Variants in TANC2 observed in about 807,000 individuals in gnomAD.
TANC2 encodes the protein tetratricopeptide repeat, ankyrin repeat and coiled-coil containing 2.
TANC2 carries 26 observed loss-of-function variants against 210.5 expected under a neutral mutation model. That is an observed-to-expected ratio of 0.12 (90% confidence interval 0.09 to 0.17). The LOEUF is 0.17. Among genes scored for constraint, TANC2 ranks in the 10% least tolerant of loss-of-function variants. The probability of loss-of-function intolerance (pLI) is 1.00; values close to 1 mark genes in which losing one functional copy is unlikely to be tolerated. For missense variants in TANC2, 2,129 were observed against 2,608.9 expected, an observed-to-expected ratio of 0.82 and a Z score of 4.01; for synonymous variants, 931 against 967.1, an observed-to-expected ratio of 0.96 and a Z score of 0.69.
intron 5 of TANC2, among the ~76,000 whole-genome samples, chr17:63,181,452 C>G (rs181882355): frequency 1.1e-3 from 164 of 152,176 alleles, no homozygotes; most frequent in African/African-American, 3.9e-3. Context: ...AAACCATGAA[C>G]CAGGTGAGGA....
chr17:63,300,232 G>A (rs1221927405), intron 9 of TANC2, among the ~76,000 whole-genome samples: 1 of 152,074 alleles, frequency 6.6e-6, no homozygotes, highest in Non-Finnish European at 1.5e-5. Context: ...CTCCAGCTTT[G>A]TTCTTTTTGC....
At position 63,050,319 on chromosome 17, in the gene TANC2, AG is replaced by A. The variant is rs751068047; in HGVS notation, c.68-23623del. ...CTTCAGTGAGCCGTGATCATGCCCC[AG>A]CACTTCAGCCTGGGCAACAGAGCAA... is the stretch of plus-strand genomic sequence containing the variant. On this transcript the variant is annotated intron_variant, in intron 2 of 27. Transcript: ENST00000689528. 6.1e-4 allele frequency among the ~76,000 whole-genome samples: 93 copies of A among 151,382 alleles called. 1 individual carries two copies. The highest frequency in any genetic ancestry group is 9.9e-4 in the Admixed American group (15 of 15,136).
intron 14 of TANC2, among the ~76,000 whole-genome samples, chr17:63,358,379 A>AGAGAG: frequency 7.2e-6 from 1 of 139,644 alleles, no homozygotes; most frequent in African/African-American, 2.8e-5. Flanking sequence ...GAGAGAGAGT[A>AGAGAG]TGTGTGTGTG....
At chr17:63,424,999 G>C (rs1372394321) in exon 28 of TANC2, 1 of 152,178 alleles carries the variant, frequency 6.6e-6, no homozygotes, top group Non-Finnish European at 1.5e-5. Flanking sequence ...TACTGGATCA[G>C]TAAGGCACAC....
intron 9 of TANC2, among the ~76,000 whole-genome samples, chr17:63,282,541 T>C (rs1049297596): frequency 2.0e-5 from 3 of 152,110 alleles, no homozygotes; most frequent in African/African-American, 7.2e-5. Context: ...TTGAATTCTA[T>C]CAAATATTTA....
chr17:63,028,669 A>G (rs2034650803), intron 2 of TANC2, among the ~76,000 whole-genome samples: 1 of 152,146 alleles, frequency 6.6e-6, no homozygotes, highest in Non-Finnish European at 1.5e-5. Context: ...AGAAAAAGGA[A>G]AGTCAGAGTG....
chr17:62,991,861 T>C (rs2032887524), intron 1 of TANC2, among the ~76,000 whole-genome samples: 1 of 152,116 alleles, frequency 6.6e-6, no homozygotes, highest in African/African-American at 2.4e-5. Flanking sequence ...ATCTCATTTA[T>C]TGAAAGCACT....
intron 2 of TANC2, among the ~76,000 whole-genome samples, chr17:63,030,475 T>C (rs149846446): frequency 6.6e-6 from 1 of 152,194 alleles, no homozygotes; most frequent in Admixed American, 6.6e-5. Context: ...TGCAGTACCT[T>C]CAACTTTTAC....
chr17:63,348,820 C>T (rs2046500022), intron 12 of TANC2, among the ~76,000 whole-genome samples: 1 of 152,052 alleles, frequency 6.6e-6, no homozygotes, highest in Admixed American at 6.6e-5. Context: ...CTGAAGCATT[C>T]TTGTAGGCTG....
chr17:63,156,420 G>GAA lies in TANC2; in HGVS notation c.433+5050_433+5051dup, dbSNP rs11373026. Among the ~76,000 whole-genome samples the GAA allele has an allele frequency of 5.2e-3, 746 of 142,140 alleles. 3 individuals carry two copies. Among genetic ancestry groups the GAA allele is most frequent in the African/African-American group, 0.01 (398 of 38,630 alleles). The allele number at this position is 142,140 out of a possible 152,430, so 93.2% of individuals were successfully genotyped here. A position where few individuals can be genotyped will look rare whatever the true frequency, so the allele number is the denominator to read the frequency against. Reference sequence around the variant, plus strand: ...AAATGCTATTGTAAAGGTTGAAATGGAAAAAAAAAAAGCACCTGTTAATTA... The same window carrying GAA: ...AAATGCTATTGTAAAGGTTGAAATGGAAAAAAAAAAAAAGCACCTGTTAATTA... On this transcript the variant is annotated intron_variant, in intron 5 of 27. Transcript: ENST00000689528.
At chr17:63,309,263 T>A (rs2045035067) in intron 9 of TANC2, among the ~76,000 whole-genome samples, 1 of 152,204 alleles carries the variant, frequency 6.6e-6, no homozygotes, top group South Asian at 2.1e-4. Context: ...GATTTTAAGG[T>A]CAAATTGGCA....
intron 4 of TANC2, among the ~76,000 whole-genome samples, chr17:63,129,920 G>A (rs905885720): frequency 7.3e-5 from 11 of 151,560 alleles, no homozygotes; most frequent in Non-Finnish European, 1.5e-4. Flanking sequence ...TTTTATAGAA[G>A]TATGTGATAG....
In TANC2 at chr17:63,420,688, G is replaced by T. The variant is rs954884795; in HGVS notation, c.4958G>T (p.Ser1653Ile). The change falls in exon 28 of 28, where the codon AGC becomes ATC. Residue 1653 changes from serine to isoleucine, a missense_variant. Ser to Ile is a moderately radical substitution (Grantham distance 142, BLOSUM62 -2). Around this residue, in one of 5 missense-constraint regions of TANC2, gnomAD observed 584 missense variants for 627.3 expected, o/e 0.93. Transcript: ENST00000689528. This position sits in a 1 kb window ranked among gnomAD's most constrained non-coding sequence, Gnocchi z 4.2. ...CCCGTGCGCTATCAGCAGGAAACAA[G>T]CGTCAGTCAGCTTCCTGGCAGACCC... is the stretch of plus-strand genomic sequence containing the variant. 8.1e-6 allele frequency: 13 copies of T among 1,613,714 alleles called. No homozygotes were observed. In the African/African-American group the frequency reaches 1.5e-4, roughly 18 times the overall value.
Position 63,420,982 on chromosome 17 carries a change from T to A in TANC2, c.5252T>A (p.Ile1751Asn). Residue 1751 changes from isoleucine to asparagine, a missense_variant, in exon 28 of 28, where the codon ATC (isoleucine) becomes AAC (asparagine). By Grantham distance (149) the Ile-to-Asn change is moderately radical. This residue lies in a region of TANC2 where 584 missense variants were observed against 627.3 expected (regional missense o/e 0.93). Coordinates refer to ENST00000689528, the Ensembl canonical transcript of TANC2. The surrounding 1 kb of genome is among the most constrained non-coding windows in gnomAD (Gnocchi z 4.2). Reference sequence around the variant, plus strand: ...GTTTATCAAGGGTCAATTGGGGGAATCGTAGGGGATGGAAGGCCGGTGCAG... The same window carrying A: ...GTTTATCAAGGGTCAATTGGGGGAAACGTAGGGGATGGAAGGCCGGTGCAG... 1 of 1,613,920 alleles carries A rather than the reference T, an allele frequency of 6.2e-7. No homozygotes were observed. The highest frequency in any genetic ancestry group is 8.5e-7 in the Non-Finnish European group (1 of 1,179,868).
intron 18 of TANC2, among the ~76,000 whole-genome samples, chr17:63,397,815 G>A (rs2048217191): frequency 6.6e-6 from 1 of 152,168 alleles, no homozygotes; most frequent in Non-Finnish European, 1.5e-5. Flanking sequence ...TTTAACCTTT[G>A]TTTTTAATGT....
At chr17:62,987,273 G>C (rs1217664751) in intron 1 of TANC2, among the ~76,000 whole-genome samples, 1 of 152,164 alleles carries the variant, frequency 6.6e-6, no homozygotes, top group Non-Finnish European at 1.5e-5. Flanking sequence ...TCAGCCACTG[G>C]TGTGGAATTC....
intron 9 of TANC2, among the ~76,000 whole-genome samples, chr17:63,309,220 G>C (rs2045034329): frequency 6.6e-6 from 1 of 152,044 alleles, no homozygotes. Flanking sequence ...CTTTTCTTAT[G>C]AATCATTTCC....
chr17:63,241,869 C>A (rs934959348), intron 8 of TANC2, among the ~76,000 whole-genome samples: 2 of 152,030 alleles, frequency 1.3e-5, no homozygotes, highest in African/African-American at 4.8e-5. Flanking sequence ...TATACTGATA[C>A]AAGATAGCAA....
At chr17:63,052,758 C>T (rs1050349092) in intron 2 of TANC2, among the ~76,000 whole-genome samples, 4 of 152,144 alleles carry the variant, frequency 2.6e-5, no homozygotes, top group Admixed American at 2.6e-4. Context: ...ATCACTTGAA[C>T]TTAATCCCAT....
Sources: gnomAD v4.1 joint callset for allele counts (sites outside exome capture counted in the v4.1 genomes callset) on GRCh38, gnomAD v4.1.1 for gene constraint, gnomAD v4.1.1 regional missense constraint, Gnocchi (gnomAD v3.1) non-coding constraint, MANE v1.5 for transcripts, NCBI Gene and HGNC (gene_info 2026-07-23, HGNC 2026-07-21) for gene names.